Variants in SLIT3 observed in about 807,000 individuals in gnomAD.
SLIT3 encodes the protein slit homolog 3 protein.
Under a neutral mutation model 184.0 loss-of-function variants are expected in SLIT3, and 68 were observed. The ratio of observed to expected loss-of-function variants is 0.37; its 90% confidence interval spans 0.30 to 0.45. The LOEUF is 0.45. SLIT3 is among the 20% of genes least tolerant of loss of function. The pLI, the probability that SLIT3 is intolerant of heterozygous loss-of-function variation, is 1.00. For missense variants in SLIT3, 1,707 were observed against 2,026.0 expected, an observed-to-expected ratio of 0.84 and a Z score of 3.02; for synonymous variants, 831 against 828.6, an observed-to-expected ratio of 1.00 and a Z score of -0.05.
intron 4 of SLIT3, among the ~76,000 whole-genome samples, chr5:168,972,894 C>T (rs943981896): frequency 6.6e-6 from 1 of 152,170 alleles, no homozygotes; most frequent in Non-Finnish European, 1.5e-5. Flanking sequence ...TCCTTCCGTC[C>T]CCCCAGGCCG....
At chr5:168,715,161 G>C (rs1762679777) in intron 23 of SLIT3, among the ~76,000 whole-genome samples, 1 of 152,206 alleles carries the variant, frequency 6.6e-6, no homozygotes, top group African/African-American at 2.4e-5. Flanking sequence ...TCCCTCGTCT[G>C]ATACTGGCTG....
chr5:169,228,770 G>T (rs762180972), intron 3 of SLIT3, among the ~76,000 whole-genome samples: 12 of 152,056 alleles, frequency 7.9e-5, no homozygotes, highest in Admixed American at 1.3e-4. Flanking sequence ...CTTAATTATG[G>T]AAATTCTCAT....
At chr5:168,904,489 CAATAATAAT>C (rs56039430) in intron 4 of SLIT3, among the ~76,000 whole-genome samples, 31 of 147,648 alleles carry the variant, frequency 2.1e-4, no homozygotes, top group South Asian at 2.2e-4. Context: ...TTAGAAATAA[CAATAATAAT>C]AATAATAATA....
chr5:169,167,233 G>A (rs1326100533), intron 4 of SLIT3, among the ~76,000 whole-genome samples: 1 of 148,824 alleles, frequency 6.7e-6, no homozygotes, highest in Non-Finnish European at 1.5e-5. Flanking sequence ...AATATGAACT[G>A]AATGACTTCT....
At chr5:168,728,445 T>A (rs901107368) in intron 20 of SLIT3, among the ~76,000 whole-genome samples, 1 of 151,944 alleles carries the variant, frequency 6.6e-6, no homozygotes, top group East Asian at 1.9e-4. Flanking sequence ...ACCACAATTG[T>A]CCAGCAACAG....
At chr5:169,159,363 T>C (rs1051643725) in intron 4 of SLIT3, among the ~76,000 whole-genome samples, 11 of 151,796 alleles carry the variant, frequency 7.2e-5, no homozygotes, top group Non-Finnish European at 1.3e-4. Flanking sequence ...GAGGTAGAGA[T>C]TGCAGTGAGC....
At position 168,944,298 on chromosome 5, in the gene SLIT3, G is replaced by T. The variant is rs140356095; in HGVS notation, c.414-60962C>A. Among the ~76,000 whole-genome samples the T allele has an allele frequency of 2.6e-4, 39 of 152,228 alleles. 1 individual carries two copies. The East Asian group carries it at 7.3e-3, about 29-fold the overall frequency. Reference sequence around the variant, plus strand: ...GTCTTGTGGGGCAGGGTGTTAGCAGGAGAGGAGTGAGAGAGAGACAAAGGG... The same window carrying T: ...GTCTTGTGGGGCAGGGTGTTAGCAGTAGAGGAGTGAGAGAGAGACAAAGGG... On this transcript the variant is annotated intron_variant, in intron 4 of 35. Coordinates refer to ENST00000519560, the MANE Select transcript of SLIT3 (RefSeq NM_003062.4).
At chr5:169,186,581 A>G (rs906837987) in intron 4 of SLIT3, among the ~76,000 whole-genome samples, 4 of 152,182 alleles carry the variant, frequency 2.6e-5, no homozygotes, top group Non-Finnish European at 5.9e-5. Context: ...AGAAGGTGGA[A>G]TTCAAACCCA....
chr5:168,940,869 G>A (rs1222816161), intron 4 of SLIT3, among the ~76,000 whole-genome samples: 1 of 152,144 alleles, frequency 6.6e-6, no homozygotes, highest in East Asian at 1.9e-4. Context: ...GAGGGTGCGT[G>A]CTGTGTTTAA....
intron 4 of SLIT3, among the ~76,000 whole-genome samples, chr5:169,027,602 C>A (rs865904196): frequency 6.6e-6 from 1 of 152,142 alleles, no homozygotes; most frequent in Non-Finnish European, 1.5e-5. Flanking sequence ...CTCAACTCTC[C>A]GCCGTGACCC....
chr5:168,949,090 A>G (rs915637168), intron 4 of SLIT3, among the ~76,000 whole-genome samples: 1 of 152,202 alleles, frequency 6.6e-6, no homozygotes, highest in Non-Finnish European at 1.5e-5. Context: ...TGTATTTTTC[A>G]TGAGTGTGTC....
intron 4 of SLIT3, among the ~76,000 whole-genome samples, chr5:169,093,972 T>C (rs942917928): frequency 3.9e-5 from 6 of 152,246 alleles, no homozygotes; most frequent in African/African-American, 7.2e-5. Context: ...GAGTATACTA[T>C]GTTCCTGGTA....
chr5:169,262,965 G>T (rs892194645), intron 1 of SLIT3, among the ~76,000 whole-genome samples: 3 of 152,186 alleles, frequency 2.0e-5, no homozygotes, highest in African/African-American at 7.2e-5. Context: ...GTATTTGAAA[G>T]TAGGGTCTTT....
intron 1 of SLIT3, among the ~76,000 whole-genome samples, chr5:169,291,889 C>T (rs1380229424): frequency 6.6e-6 from 1 of 152,194 alleles, no homozygotes; most frequent in Non-Finnish European, 1.5e-5. Flanking sequence ...GACGTAGTTG[C>T]CACATCTATA....
At chr5:169,233,797 C>T (rs1765093097) in intron 3 of SLIT3, among the ~76,000 whole-genome samples, 1 of 152,102 alleles carries the variant, frequency 6.6e-6, no homozygotes. Context: ...CTCTCTCCTT[C>T]CCTCCCTTTT....
At chr5:168,719,238 G>T (rs1241600683) in intron 23 of SLIT3, among the ~76,000 whole-genome samples, 1 of 152,134 alleles carries the variant, frequency 6.6e-6, no homozygotes, top group Non-Finnish European at 1.5e-5. Context: ...TTTTAGTAGA[G>T]ACAGGGTTTC....
intron 9 of SLIT3, among the ~76,000 whole-genome samples, chr5:168,799,203 C>T (rs1359899885): frequency 6.6e-6 from 1 of 152,272 alleles, no homozygotes; most frequent in East Asian, 1.9e-4. Context: ...CAACCTAGAA[C>T]AAGGATGCAA....
chr5:168,724,447 C>G lies in SLIT3; in HGVS notation c.2308G>C (p.Glu770Gln), dbSNP rs753410673. ...GTCAGGTGTCGGAGGGCGGACAGCTCTCTGGGCACGGCTGTTAGGTGGTTT... is the reference window on the plus strand; with the variant it reads ...GTCAGGTGTCGGAGGGCGGACAGCTGTCTGGGCACGGCTGTTAGGTGGTTT... ...EGNHLTAVPR[E>Q]LSALRHLTLI... is the part of the protein sequence containing the mutation. Residue 770 changes from glutamate to glutamine, a missense_variant, in exon 21 of 36, where the codon GAG (glutamate) becomes CAG (glutamine). Glu to Gln is a conservative substitution (Grantham distance 29). Around this residue, in one of 3 missense-constraint regions of SLIT3, gnomAD observed 1,307 missense variants for 1,511.6 expected, o/e 0.86. Transcript: ENST00000519560. The G allele has an allele frequency of 4.3e-6, 7 of 1,613,284 alleles. No homozygotes were observed. The highest frequency in any genetic ancestry group is 5.9e-6 in the Non-Finnish European group (7 of 1,179,518).
At chr5:168,769,775 G>A (rs995056471) in intron 14 of SLIT3, among the ~76,000 whole-genome samples, 3 of 152,186 alleles carry the variant, frequency 2.0e-5, no homozygotes, top group Non-Finnish European at 4.4e-5. Flanking sequence ...AAAAAGAAAT[G>A]GAGGGATTTG....
Sources: allele counts gnomAD v4.1 joint callset (sites outside exome capture counted in the v4.1 genomes callset), GRCh38; gene constraint gnomAD v4.1.1; regional missense constraint gnomAD v4.1.1; transcripts MANE v1.5; gene names NCBI Gene and HGNC (gene_info 2026-07-23, HGNC 2026-07-21).